SKAP2: variants seen among roughly 807,000 people sequenced by gnomAD.
The protein encoded by SKAP2 is src kinase-associated phosphoprotein 2.
Under a neutral mutation model 54.9 loss-of-function variants are expected in SKAP2, and 28 were observed. The ratio of observed to expected loss-of-function variants is 0.51; its 90% CI spans 0.38 to 0.70. The LOEUF (loss-of-function observed/expected upper bound fraction) is 0.70, where lower values mean the gene tolerates loss of function less well. SKAP2 is among the 30% of genes least tolerant of loss of function. The probability of loss-of-function intolerance (pLI) is 0.00; values close to 1 mark genes in which losing one functional copy is unlikely to be tolerated. For missense variants in SKAP2, 356 were observed against 424.1 expected (o/e 0.84, Z 1.41); for synonymous variants, 137 against 134.3 (o/e 1.02, Z -0.14).
chr7:26,688,494 G>A lies in SKAP2; in HGVS notation c.874+1791C>T, dbSNP rs569881422. Among the ~76,000 whole-genome samples, 10 of 152,272 alleles carry A rather than the reference G, an allele frequency of 6.6e-5. No individual in the cohort carries two copies. The South Asian group carries it at 1.7e-3, about 25-fold the overall frequency. ...ATGTCATGTGATGCTCAGCAAGATA[G>A]TAATACCCTTGTCAACTCACTGCCC... is the stretch of plus-strand genomic sequence containing the variant. On this transcript the variant is annotated intron_variant, in intron 10 of 12. Transcript: ENST00000345317.
intron 7 of SKAP2, among the ~76,000 whole-genome samples, chr7:26,726,300 C>T (rs1480554525): frequency 6.6e-6 from 1 of 152,110 alleles, no homozygotes; most frequent in Non-Finnish European, 1.5e-5. Flanking sequence ...CCATGAATTT[C>T]TTTAGACTGC....
At chr7:26,671,344 T>A (rs1477608181) in intron 11 of SKAP2, among the ~76,000 whole-genome samples, 2 of 152,094 alleles carry the variant, frequency 1.3e-5, no homozygotes, top group African/African-American at 4.8e-5. Context: ...CATAGATAAA[T>A]GTGCATATGT....
chr7:26,776,133 T>C (rs954287111), intron 4 of SKAP2, among the ~76,000 whole-genome samples: 3 of 152,154 alleles, frequency 2.0e-5, no homozygotes, highest in Admixed American at 6.6e-5. Context: ...CTTTGGCTTC[T>C]AGTCAAACCA....
At chr7:26,776,740 T>TC (rs1488810564) in intron 4 of SKAP2, among the ~76,000 whole-genome samples, 5 of 152,194 alleles carry the variant, frequency 3.3e-5, no homozygotes, top group Admixed American at 6.6e-5. Context: ...TCTCCATACT[T>TC]CTGCCAAGGT....
intron 4 of SKAP2, among the ~76,000 whole-genome samples, chr7:26,766,599 G>C (rs539668982): frequency 1.3e-5 from 2 of 152,284 alleles, no homozygotes; most frequent in South Asian, 2.1e-4. Flanking sequence ...TATGATATCG[G>C]CTGTGGGTTT....
At chr7:26,796,793 G>A (rs1304124380) in intron 4 of SKAP2, among the ~76,000 whole-genome samples, 1 of 152,058 alleles carries the variant, frequency 6.6e-6, no homozygotes, top group African/African-American at 2.4e-5. Context: ...TTATGTTGTT[G>A]GTAAGACTTA....
intron 6 of SKAP2, among the ~76,000 whole-genome samples, chr7:26,734,396 C>T (rs1328657829): frequency 6.6e-6 from 1 of 152,160 alleles, no homozygotes; most frequent in Admixed American, 6.5e-5. Flanking sequence ...CTTATTTAGC[C>T]TTACGTGCTC....
the SKAP2 span, among the ~76,000 whole-genome samples, chr7:26,660,948 A>C: frequency 6.6e-6 from 1 of 152,104 alleles, no homozygotes; most frequent in Non-Finnish European, 1.5e-5. Flanking sequence ...TATAGATTAC[A>C]ATTGCTAGAC....
intron 4 of SKAP2, among the ~76,000 whole-genome samples, chr7:26,831,136 G>A (rs1784585946): frequency 6.6e-6 from 1 of 152,050 alleles, no homozygotes; most frequent in Non-Finnish European, 1.5e-5. Context: ...TTAAAAGTTT[G>A]TAAATTTTTA....
At chr7:26,858,356 A>G (rs1028056193) in intron 1 of SKAP2, among the ~76,000 whole-genome samples, 2 of 152,120 alleles carry the variant, frequency 1.3e-5, no homozygotes, top group African/African-American at 4.8e-5. Context: ...CTCCTAATAC[A>G]CCTTAACACT....
At chr7:26,818,159 G>A (rs1784311460) in intron 4 of SKAP2, among the ~76,000 whole-genome samples, 1 of 152,118 alleles carries the variant, frequency 6.6e-6, no homozygotes. Context: ...AACAAACCTG[G>A]AGGCATGACG....
chr7:26,695,546 G>A (rs926518721), intron 9 of SKAP2, among the ~76,000 whole-genome samples: 1 of 152,206 alleles, frequency 6.6e-6, no homozygotes, highest in African/African-American at 2.4e-5. Flanking sequence ...CTAAGCCACA[G>A]TGTCTCCTCC....
At chr7:26,755,361 C>G (rs6461965) in intron 4 of SKAP2, among the ~76,000 whole-genome samples, 86,465 of 149,956 alleles carry the variant, frequency 0.58, 25,275 homozygotes, top group East Asian at 0.88. Flanking sequence ...TGGATAAGAA[C>G]TGGTACAGTC....
intron 4 of SKAP2, among the ~76,000 whole-genome samples, chr7:26,780,404 T>C (rs1783402747): frequency 6.6e-6 from 1 of 152,112 alleles, no homozygotes; most frequent in Non-Finnish European, 1.5e-5. Flanking sequence ...ATAGGGGCTA[T>C]CTAGACTGGG....
Position 26,854,837 on chromosome 7 carries a change from C to A in SKAP2, c.121G>T (p.Ala41Ser). ...ILKGENLSKK[A>S]KEKRESLIKK... ...ATAAGGGATTCTCTCTTTTCCTTTGCTTTCTTGGATAAATTTTCTCCTTTC... is the reference window on the plus strand; with the variant it reads ...ATAAGGGATTCTCTCTTTTCCTTTGATTTCTTGGATAAATTTTCTCCTTTC... The change falls in exon 2 of 13, where the codon GCA (alanine) becomes TCA (serine). Residue 41 changes from alanine (A) to serine (S), a missense_variant. Ala to Ser is a moderately conservative substitution (Grantham distance 99). Transcript: ENST00000345317. 10 of 1,601,318 alleles carry A rather than the reference C, an allele frequency of 6.2e-6. No homozygotes were observed. Among genetic ancestry groups the A allele is most frequent in the Non-Finnish European group, 8.5e-6 (10 of 1,171,712 alleles).
chr7:26,809,559 C>A (rs963735675), intron 4 of SKAP2, among the ~76,000 whole-genome samples: 1 of 152,144 alleles, frequency 6.6e-6, no homozygotes, highest in Non-Finnish European at 1.5e-5. Context: ...TGAGATAACA[C>A]CTCACACCTG....
chr7:26,710,558 A>G (rs1562583164), intron 9 of SKAP2, among the ~76,000 whole-genome samples: 1 of 152,170 alleles, frequency 6.6e-6, no homozygotes, highest in Non-Finnish European at 1.5e-5. Flanking sequence ...TTGGAAATGT[A>G]TGGGATATGC....
At chr7:26,688,294 C>T (rs1461880835) in intron 10 of SKAP2, among the ~76,000 whole-genome samples, 2 of 152,110 alleles carry the variant, frequency 1.3e-5, no homozygotes, top group Non-Finnish European at 2.9e-5. Flanking sequence ...TATATATATA[C>T]TCATCCACAT....
chr7:26,789,287 A>G (rs766438166), intron 4 of SKAP2, among the ~76,000 whole-genome samples: 1 of 152,192 alleles, frequency 6.6e-6, no homozygotes, highest in Non-Finnish European at 1.5e-5. Context: ...TAAGTTCACA[A>G]TAATATCTGA....
Sources: allele counts gnomAD v4.1 joint callset (sites outside exome capture counted in the v4.1 genomes callset), GRCh38; gene constraint gnomAD v4.1.1; transcripts MANE v1.5; gene names NCBI Gene and HGNC (gene_info 2026-07-23, HGNC 2026-07-21).